PTPRD: variants seen among roughly 807,000 people sequenced by gnomAD.
PTPRD encodes receptor-type tyrosine-protein phosphatase delta.
In PTPRD, 34 loss-of-function variants were observed where a neutral mutation model predicts 214.5. The observed-to-expected ratio is 0.16, with a 90% CI of 0.12 to 0.21. The LOEUF (loss-of-function observed/expected upper bound fraction) is 0.21, where lower values mean the gene tolerates loss of function less well. Among genes scored for constraint, PTPRD ranks in the 10% least tolerant of loss-of-function variants. The pLI, the probability that PTPRD is intolerant of heterozygous loss-of-function variation, is 1.00. For synonymous variants in PTPRD, 1,128 were observed against 845.7 expected (o/e 1.33, Z -5.79); for missense variants, 2,545 against 2,398.7 (o/e 1.06, Z -1.27).
chr9:10,414,526 G>C (rs191234382), intron 2 of PTPRD, among the ~76,000 whole-genome samples: 2 of 151,870 alleles, frequency 1.3e-5, no homozygotes, highest in East Asian at 3.9e-4. Context: ...GGAAAGCAGC[G>C]TGGCAATTCC....
rs544744796 is a variant in PTPRD at position 8,946,746 on chromosome 9, G to C, written c.-104+71951C>G. On this transcript the variant is annotated intron_variant, in intron 11 of 45. Coordinates refer to ENST00000381196, the MANE Select transcript of PTPRD (RefSeq NM_002839.4). The stretch of plus-strand genomic sequence containing the variant: ...GGTTGCTCTCTTTCAGGAGCCTGGA[G>C]AAGGAAAGTATCATGCAGGGTCTTC... Among the ~76,000 whole-genome samples, 8 of 152,284 alleles carry C rather than the reference G, an allele frequency of 5.3e-5. No homozygotes were observed. In the South Asian group the frequency reaches 1.2e-3, roughly 24 times the overall value.
intron 11 of PTPRD, among the ~76,000 whole-genome samples, chr9:8,864,758 C>T (rs1054470004): frequency 6.6e-6 from 1 of 152,170 alleles, no homozygotes; most frequent in African/African-American, 2.4e-5. Context: ...GCTTTGTTTT[C>T]CATATGCAGC....
intron 5 of PTPRD, among the ~76,000 whole-genome samples, chr9:9,795,694 A>T (rs936454465): frequency 2.0e-5 from 3 of 152,188 alleles, no homozygotes; most frequent in African/African-American, 7.2e-5. Context: ...GTAGGACAAA[A>T]ACCTCCAGCA....
At chr9:9,968,511 G>C (rs921675455) in intron 4 of PTPRD, among the ~76,000 whole-genome samples, 16 of 152,234 alleles carry the variant, frequency 1.1e-4, no homozygotes, top group Non-Finnish European at 2.1e-4. Context: ...AGAGCAACTA[G>C]TCAATAATCT....
intron 4 of PTPRD, among the ~76,000 whole-genome samples, chr9:9,975,143 T>C (rs991435104): frequency 3.2e-4 from 49 of 152,222 alleles, no homozygotes; most frequent in African/African-American, 1.1e-3. Flanking sequence ...AGAGGGCACA[T>C]TATTATGTTG....
chr9:8,339,190 C>T (rs1849939083), intron 42 of PTPRD, 143 bp from the exon 43 acceptor site: 1 of 824,298 alleles, frequency 1.2e-6, no homozygotes, highest in Admixed American at 3.1e-5. Context: ...TTGCATATGA[C>T]TCATTTCCTC....
chr9:10,342,186 G>A (rs572238297), intron 2 of PTPRD, among the ~76,000 whole-genome samples: 3 of 152,122 alleles, frequency 2.0e-5, no homozygotes, highest in South Asian at 4.1e-4. Context: ...TCATCAGATC[G>A]TATTGACTCC....
At chr9:9,885,921 G>C (rs866805207) in intron 5 of PTPRD, among the ~76,000 whole-genome samples, 1 of 151,806 alleles carries the variant, frequency 6.6e-6, no homozygotes, top group South Asian at 2.1e-4. Context: ...AAAGAGATCT[G>C]TGAGTGTAGA....
chr9:8,661,216 T>A (rs2097042930), intron 12 of PTPRD, among the ~76,000 whole-genome samples: 2 of 152,022 alleles, frequency 1.3e-5, no homozygotes, highest in South Asian at 4.1e-4. Flanking sequence ...CTAAAAAGAA[T>A]CAAACCTTAT....
At chr9:8,376,481 T>C in intron 38 of PTPRD, 126 bp downstream of exon 38, 1 of 1,364,850 alleles carries the variant, frequency 7.3e-7, no homozygotes, top group Non-Finnish European at 1.0e-6. Context: ...GAAGATCTAT[T>C]TCATTCTTCA....
chr9:8,428,905 A>T (rs532141651), intron 35 of PTPRD, among the ~76,000 whole-genome samples: 1 of 152,320 alleles, frequency 6.6e-6, no homozygotes, highest in Admixed American at 6.5e-5. Flanking sequence ...GGTCAAATAT[A>T]CCAAGAGTCT....
chr9:10,555,361 T>C (rs574276746), intron 2 of PTPRD, among the ~76,000 whole-genome samples: 16 of 152,330 alleles, frequency 1.1e-4, no homozygotes, highest in Non-Finnish European at 2.1e-4. Context: ...ACCTAAAAAA[T>C]GGTTATCTTA....
At chr9:9,755,109 G>C (rs2098555810) in intron 6 of PTPRD, among the ~76,000 whole-genome samples, 1 of 151,920 alleles carries the variant, frequency 6.6e-6, no homozygotes, top group Non-Finnish European at 1.5e-5. Flanking sequence ...TATTAAACAA[G>C]ATCTCCAGAT....
chr9:9,786,257 A>AG (rs61651944), intron 5 of PTPRD, among the ~76,000 whole-genome samples: 5 of 151,574 alleles, frequency 3.3e-5, no homozygotes, highest in African/African-American at 1.2e-4. Flanking sequence ...AACTAGAAAA[A>AG]TTTACATCTT....
chr9:9,322,771 C>A (rs1489681747), intron 9 of PTPRD, among the ~76,000 whole-genome samples: 1 of 152,044 alleles, frequency 6.6e-6, no homozygotes, highest in Non-Finnish European at 1.5e-5. Flanking sequence ...ATCTAGTAAT[C>A]TGTACTTTTG....
chr9:10,028,183 T>C (rs955648272), intron 4 of PTPRD, among the ~76,000 whole-genome samples: 1 of 152,188 alleles, frequency 6.6e-6, no homozygotes, highest in African/African-American at 2.4e-5. Flanking sequence ...AGCTCTCTTC[T>C]CTTATCTGCT....
chr9:9,403,289 T>TTAAAA (rs1569568025), intron 8 of PTPRD, among the ~76,000 whole-genome samples: 2 of 2,392 alleles, frequency 8.4e-4, no homozygotes, highest in Non-Finnish European at 1.7e-3. Context: ...ATACTCTGTC[T>TTAAAA]CAAAAAAAAA....
intron 11 of PTPRD, among the ~76,000 whole-genome samples, chr9:8,806,892 A>G (rs1374726378): frequency 6.6e-6 from 1 of 152,232 alleles, no homozygotes; most frequent in Non-Finnish European, 1.5e-5. Context: ...TTGCACTGAT[A>G]TAACTTATTT....
chr9:9,387,314 G>A (rs2140661293), intron 9 of PTPRD, among the ~76,000 whole-genome samples: 2 of 152,196 alleles, frequency 1.3e-5, no homozygotes, highest in East Asian at 3.9e-4. Context: ...TTAAGCAAGT[G>A]GAAGCACAGT....
Sources: gnomAD v4.1 joint callset for allele counts (sites outside exome capture counted in the v4.1 genomes callset) on GRCh38, gnomAD v4.1.1 for gene constraint, MANE v1.5 for transcripts, NCBI Gene and HGNC (gene_info 2026-07-23, HGNC 2026-07-21) for gene names.